NALCN: variants seen among roughly 807,000 people sequenced by gnomAD.
NALCN encodes the protein sodium leak channel, non-selective.
In NALCN, 111 loss-of-function variants were observed where a neutral mutation model predicts 225.3. The ratio of observed to expected loss-of-function variants is 0.49; its 90% CI spans 0.42 to 0.58. The LOEUF is 0.58. Ranked by LOEUF, NALCN falls within the 20% of genes least tolerant of loss-of-function variation. The pLI is 0.00. For synonymous variants in NALCN, 764 were observed against 769.0 expected (o/e 0.99, Z 0.11); for missense variants, 1,378 against 2,202.4 (o/e 0.63, Z 7.49).
intron 7 of NALCN, among the ~76,000 whole-genome samples, chr13:101,300,036 G>C (rs1772988049): frequency 6.6e-6 from 1 of 151,538 alleles, no homozygotes; most frequent in African/African-American, 2.4e-5. Context: ...AAAAAAAGCA[G>C]CAGCGAGGGG....
intron 11 of NALCN, among the ~76,000 whole-genome samples, chr13:101,245,758 A>T (rs1452773288): frequency 6.6e-6 from 1 of 152,186 alleles, no homozygotes; most frequent in African/African-American, 2.4e-5. Context: ...CTAACTTTCC[A>T]TGCCTGAGTA....
intron 11 of NALCN, among the ~76,000 whole-genome samples, chr13:101,239,061 T>TA (rs1271971600): frequency 6.6e-6 from 1 of 151,928 alleles, no homozygotes; most frequent in Non-Finnish European, 1.5e-5. Context: ...GAAATGATCT[T>TA]AAGTCCACAA....
chr13:101,080,747 A>G (rs622710), intron 34 of NALCN, among the ~76,000 whole-genome samples: 56,889 of 145,952 alleles, frequency 0.39, 11,197 homozygotes, highest in East Asian at 0.57. Context: ...AATATATTAC[A>G]TAATTAAATA....
chr13:101,109,214 A>G (rs1032778462), intron 20 of NALCN, among the ~76,000 whole-genome samples: 1 of 152,156 alleles, frequency 6.6e-6, no homozygotes, highest in Non-Finnish European at 1.5e-5. Flanking sequence ...CTGCAGTTCT[A>G]AGTTGCGCAG....
At chr13:101,267,664 G>A (rs2042641697) in intron 10 of NALCN, among the ~76,000 whole-genome samples, 1 of 152,202 alleles carries the variant, frequency 6.6e-6, no homozygotes, top group African/African-American at 2.4e-5. Context: ...CATGGGCCCT[G>A]CCATTCTCTT....
rs968334104 is a variant in NALCN, at chr13:101,054,852, T to A, written c.*443A>T. 3 of 150,422 alleles carry A rather than the reference T, an allele frequency of 2.0e-5. No individual in the cohort carries two copies. The highest frequency in any genetic ancestry group is 7.3e-5 in the African/African-American group (3 of 41,188). The allele number at this position is 150,422 out of a possible 1,614,324, so 9.3% of individuals were successfully genotyped here. ...TTCAGATCAATCATAAATAATAAAT[T>A]CTCTCAAGAGAAATATTTCTAGTGG... On this transcript the variant is annotated 3_prime_UTR_variant, in exon 44 of 44. Transcript: ENST00000251127.
At chr13:101,068,557 G>T in intron 38 of NALCN, 138 bp downstream of exon 38, 1 of 911,462 alleles carries the variant, frequency 1.1e-6, no homozygotes, top group Non-Finnish European at 1.5e-6. Flanking sequence ...TCAGCTTCTG[G>T]ATTGAGAGAC....
In NALCN at chr13:101,239,377, G is replaced by GA. The variant is rs541918258; in HGVS notation, c.1267-1456dup. Among the ~76,000 whole-genome samples, 503 of 151,676 alleles carry GA rather than the reference G, an allele frequency of 3.3e-3. 2 individuals carry two copies. Among genetic ancestry groups the GA allele is most frequent in the African/African-American group, 0.012 (483 of 41,436 alleles). On this transcript the variant is annotated intron_variant, in intron 11 of 43. Coordinates refer to ENST00000251127, the MANE Select transcript of NALCN (RefSeq NM_052867.4). ...ATGTGACAGGTATTTACTCTGGAAAGAAAAAAAATTCTAAAGACAAATAGG... is the reference window on the plus strand; with the variant it reads ...ATGTGACAGGTATTTACTCTGGAAAGAAAAAAAAATTCTAAAGACAAATAGG...
chr13:101,060,449 ATTT>A (rs55697849), intron 41 of NALCN, among the ~76,000 whole-genome samples: 31,847 of 93,130 alleles, frequency 0.34, 4,833 homozygotes, highest in East Asian at 0.48. Flanking sequence ...TGGCTAATTA[ATTT>A]TTTTTTTTTT....
intron 3 of NALCN, among the ~76,000 whole-genome samples, chr13:101,390,611 A>T (rs2047117000): frequency 6.6e-6 from 1 of 152,150 alleles, no homozygotes; most frequent in South Asian, 2.1e-4. Context: ...GCTGACTTGA[A>T]CAATAAAGGG....
chr13:101,060,994 CGTT>C (rs1286572278), intron 41 of NALCN, among the ~76,000 whole-genome samples: 1 of 152,178 alleles, frequency 6.6e-6, no homozygotes, highest in Non-Finnish European at 1.5e-5. Flanking sequence ...CTGCAATTGA[CGTT>C]GTTGCTCTGA....
intron 9 of NALCN, among the ~76,000 whole-genome samples, chr13:101,286,699 A>AT (rs941599013): frequency 2.5e-4 from 37 of 149,970 alleles, no homozygotes; most frequent in Middle Eastern, 3.4e-3. Flanking sequence ...ATGTCCATTA[A>AT]TTTTTTTTTT....
chr13:101,355,834 C>T (rs1420603222), intron 6 of NALCN, among the ~76,000 whole-genome samples: 1 of 152,076 alleles, frequency 6.6e-6, no homozygotes, highest in Non-Finnish European at 1.5e-5. Context: ...AAGAACTGAA[C>T]TCATAACAAA....
chr13:101,141,712 G>A (rs577326412), intron 17 of NALCN, among the ~76,000 whole-genome samples: 1 of 152,194 alleles, frequency 6.6e-6, no homozygotes, highest in East Asian at 1.9e-4. Flanking sequence ...TAAAGAGAAA[G>A]GTGAGGGAAT....
rs529542759 is a variant in NALCN, at chr13:101,248,949, A to T, written c.1266+9494T>A. Among the ~76,000 whole-genome samples the T allele has an allele frequency of 9.2e-5, 14 of 152,218 alleles. No homozygotes were observed. The South Asian group carries it at 2.9e-3, about 32-fold the overall frequency. On this transcript the variant is annotated intron_variant, in intron 11 of 43. Transcript: ENST00000251127. ...ATGTCATATCAACCATATTAGCCATATGATATGTCATATGTCAGGGAGGCC... is the reference window on the plus strand; with the variant it reads ...ATGTCATATCAACCATATTAGCCATTTGATATGTCATATGTCAGGGAGGCC...
intron 15 of NALCN, 69 bp downstream of exon 15, chr13:101,176,231 G>A: frequency 8.7e-7 from 1 of 1,147,112 alleles, no homozygotes; most frequent in Non-Finnish European, 1.2e-6. Flanking sequence ...TTTTAATATT[G>A]CCTATAAGCA....
At chr13:101,106,257 C>T (rs1350072690) in intron 22 of NALCN, among the ~76,000 whole-genome samples, 1 of 152,076 alleles carries the variant, frequency 6.6e-6, no homozygotes, top group Non-Finnish European at 1.5e-5. Flanking sequence ...TTTTAATTAA[C>T]CTGTTTAAAA....
intron 6 of NALCN, among the ~76,000 whole-genome samples, chr13:101,371,873 T>C (rs942397862): frequency 2.0e-5 from 3 of 152,226 alleles, no homozygotes; most frequent in Non-Finnish European, 4.4e-5. Context: ...GTGCAGCCCA[T>C]GCTCTAAAAC....
chr13:101,395,427 G>T, intron 2 of NALCN, 62 bp from the exon 3 acceptor site: 1 of 1,507,570 alleles, frequency 6.6e-7, no homozygotes, highest in Non-Finnish European at 9.0e-7. Context: ...CTTGTATTAT[G>T]AACCACACTA....
Sources: allele counts gnomAD v4.1 joint callset (sites outside exome capture counted in the v4.1 genomes callset), GRCh38; gene constraint gnomAD v4.1.1; transcripts MANE v1.5; gene names NCBI Gene and HGNC (gene_info 2026-07-23, HGNC 2026-07-21).